STK39: variants seen among roughly 807,000 people sequenced by gnomAD.
STK39 encodes serine/threonine kinase 39.
STK39 carries 20 observed loss-of-function variants against 77.8 expected under a neutral mutation model. The ratio of observed to expected loss-of-function variants is 0.26; its 90% CI spans 0.18 to 0.37. STK39 has a LOEUF of 0.37. Among genes scored for constraint, STK39 ranks in the 10% least tolerant of loss-of-function variants. The probability of loss-of-function intolerance (pLI) is 1.00; values close to 1 mark genes in which losing one functional copy is unlikely to be tolerated. For synonymous variants in STK39, 246 were observed against 234.1 expected (o/e 1.05, Z -0.47); for missense variants, 479 against 656.5 (o/e 0.73, Z 2.95).
chr2:168,126,492 C>T (rs753184799), intron 10 of STK39, among the ~76,000 whole-genome samples: 2 of 152,166 alleles, frequency 1.3e-5, no homozygotes, highest in Admixed American at 6.5e-5. Context: ...CCAGCAGCCA[C>T]GTCTACACGA....
intron 16 of STK39, among the ~76,000 whole-genome samples, chr2:167,972,794 G>GA (rs1364434287): frequency 2.0e-5 from 3 of 151,682 alleles, no homozygotes; most frequent in South Asian, 2.1e-4. Context: ...ACCCCATTTG[G>GA]AAAAAAAATC....
At chr2:168,220,963 C>G (rs952415450) in intron 1 of STK39, among the ~76,000 whole-genome samples, 1 of 152,128 alleles carries the variant, frequency 6.6e-6, no homozygotes, top group Non-Finnish European at 1.5e-5. Flanking sequence ...ATCTAGGAGA[C>G]AGAGTCAGAA....
intron 2 of STK39, among the ~76,000 whole-genome samples, chr2:168,181,721 C>T (rs1044040976): frequency 3.9e-5 from 6 of 152,122 alleles, no homozygotes; most frequent in Non-Finnish European, 7.3e-5. Context: ...GGAGTGCCAA[C>T]GCTGAGGCCA....
intron 1 of STK39, among the ~76,000 whole-genome samples, chr2:168,228,530 C>A (rs1220737757): frequency 6.6e-6 from 1 of 152,152 alleles, no homozygotes; most frequent in East Asian, 1.9e-4. Context: ...GCGGCTCACA[C>A]CTGTAATCCC....
chr2:168,118,511 G>T (rs1277793367), intron 10 of STK39, among the ~76,000 whole-genome samples: 1 of 149,782 alleles, frequency 6.7e-6, no homozygotes, highest in Non-Finnish European at 1.5e-5. Context: ...CCCTAAATGG[G>T]GATCAGCAAA....
chr2:168,210,328 T>C (rs1347602535), intron 1 of STK39, among the ~76,000 whole-genome samples: 2 of 152,200 alleles, frequency 1.3e-5, no homozygotes, highest in Admixed American at 1.3e-4. Flanking sequence ...CAAAGGTCAT[T>C]TATCACCATT....
In STK39 at chr2:168,233,094, G is replaced by T. The variant is rs980656202; in HGVS notation, c.208+14134C>A. Among the ~76,000 whole-genome samples, 8 of 152,022 alleles carry T rather than the reference G, an allele frequency of 5.3e-5. No individual in the cohort carries two copies. The East Asian group carries it at 1.5e-3, about 29-fold the overall frequency. ...TTACTTTACTAAACACTCTAGCCCCGATCTTGACTTATGCCAAAAATATTA... is the reference window on the plus strand; with the variant it reads ...TTACTTTACTAAACACTCTAGCCCCTATCTTGACTTATGCCAAAAATATTA... On this transcript the variant is annotated intron_variant, in intron 1 of 17. Coordinates refer to ENST00000355999, the MANE Select transcript of STK39 (RefSeq NM_013233.3).
chr2:168,177,221 C>A (rs531300563), intron 2 of STK39, among the ~76,000 whole-genome samples: 4 of 152,002 alleles, frequency 2.6e-5, no homozygotes, highest in African/African-American at 9.7e-5. Context: ...AATTTCATAA[C>A]GTAATCACTT....
intron 1 of STK39, among the ~76,000 whole-genome samples, chr2:168,212,000 T>G (rs566490059): frequency 2.0e-5 from 3 of 152,320 alleles, no homozygotes; most frequent in Admixed American, 6.5e-5. Flanking sequence ...TCGTTTTAGT[T>G]CCACAGAAAG....
chr2:167,986,170 C>G (rs968962071), intron 16 of STK39, among the ~76,000 whole-genome samples: 1 of 152,196 alleles, frequency 6.6e-6, no homozygotes, highest in South Asian at 2.1e-4. Flanking sequence ...TTCAGGAACA[C>G]TGACTGCCCT....
intron 5 of STK39, among the ~76,000 whole-genome samples, chr2:168,152,872 T>C (rs1478488163): frequency 6.6e-6 from 1 of 152,228 alleles, no homozygotes. Flanking sequence ...AATATTCATA[T>C]ACCTGCAGGT....
At chr2:168,160,667 A>G (rs548181511) in intron 5 of STK39, among the ~76,000 whole-genome samples, 53 of 152,312 alleles carry the variant, frequency 3.5e-4, no homozygotes, top group African/African-American at 1.2e-3. Flanking sequence ...TGGTACAGCT[A>G]CTAAGTGGTG....
At chr2:168,084,914 G>A (rs1686328108) in intron 10 of STK39, among the ~76,000 whole-genome samples, 1 of 152,180 alleles carries the variant, frequency 6.6e-6, no homozygotes, top group Non-Finnish European at 1.5e-5. Flanking sequence ...CACCTTCTGA[G>A]GATCTTAATA....
At chr2:168,232,130 G>T in intron 1 of STK39, 1 of 243,994 alleles carries the variant, frequency 4.1e-6, no homozygotes, top group South Asian at 7.7e-5. Flanking sequence ...AGAGTGCAGG[G>T]ACGCACACAG....
At chr2:168,012,478 T>C (rs905153595) in intron 16 of STK39, among the ~76,000 whole-genome samples, 156 bp downstream of exon 16, 11 of 152,130 alleles carry the variant, frequency 7.2e-5, no homozygotes, top group African/African-American at 2.4e-4. Context: ...CGTCCAAATA[T>C]GATTCTTAAA....
chr2:168,003,828 T>C (rs1684059440), intron 16 of STK39, among the ~76,000 whole-genome samples: 1 of 152,220 alleles, frequency 6.6e-6, no homozygotes, highest in Admixed American at 6.5e-5. Context: ...AGTACAGTTG[T>C]GTAATAAAGA....
At chr2:168,119,676 A>G (rs977709855) in intron 10 of STK39, among the ~76,000 whole-genome samples, 3 of 152,152 alleles carry the variant, frequency 2.0e-5, no homozygotes, top group Non-Finnish European at 4.4e-5. Context: ...GCTTTCCACA[A>G]TGGCACAGAC....
intron 10 of STK39, among the ~76,000 whole-genome samples, chr2:168,103,613 C>T (rs988019741): frequency 5.3e-5 from 8 of 152,196 alleles, no homozygotes; most frequent in Non-Finnish European, 1.0e-4. Flanking sequence ...TTTGCACATT[C>T]ATGAATACAT....
At chr2:168,229,550 G>C (rs957111345) in intron 1 of STK39, among the ~76,000 whole-genome samples, 5 of 152,076 alleles carry the variant, frequency 3.3e-5, no homozygotes, top group African/African-American at 9.7e-5. Context: ...TATCCTAATA[G>C]GCTAGCAATT....
Sources: allele counts gnomAD v4.1 joint callset (sites outside exome capture counted in the v4.1 genomes callset), GRCh38; gene constraint gnomAD v4.1.1; transcripts MANE v1.5; gene names NCBI Gene and HGNC (gene_info 2026-07-23, HGNC 2026-07-21).